Variants in PAPSS2 observed in about 807,000 individuals in gnomAD.
PAPSS2 encodes the protein 3'-phosphoadenosine 5'-phosphosulfate synthase 2, also known as bifunctional 3'-phosphoadenosine 5'-phosphosulfate synthase 2.
PAPSS2 carries 61 observed loss-of-function variants against 66.5 expected under a neutral mutation model. The ratio of observed to expected loss-of-function variants is 0.92; its 90% CI spans 0.75 to 1.14. The LOEUF (loss-of-function observed/expected upper bound fraction) is 1.14, where lower values mean the gene tolerates loss of function less well. Ranked by LOEUF, PAPSS2 falls within the 50% of genes most tolerant of loss-of-function variation. PAPSS2 has a pLI of 0.00. For missense variants in PAPSS2, 708 were observed against 789.6 expected (o/e 0.90, Z 1.24); for synonymous variants, 289 against 287.5 (o/e 1.01, Z -0.05).
Position 87,741,240 on chromosome 10 carries a change from G to A in PAPSS2, c.1092G>A (p.Val364=), listed in dbSNP as rs1853864689. ...TCTKHPHIKM[V]MESGDWLVGG... ...CATAACAATGTTCTTTCTAGATGGT[G>A]ATGGAAAGTGGGGACTGGCTGGTTG... Residue 364 remains valine (V), a synonymous_variant, in exon 10 of 13, where the codon GTG becomes GTA. Coordinates refer to ENST00000456849, the MANE Select transcript of PAPSS2 (RefSeq NM_001015880.2). The A allele has an allele frequency of 2.5e-6, 4 of 1,613,694 alleles. No individual in the cohort carries two copies. In the Admixed American group the frequency reaches 6.7e-5, roughly 27 times the overall value.
chr10:87,739,009 T>A lies in PAPSS2; in HGVS notation c.1087-2226T>A, dbSNP rs117993792. On this transcript the variant is annotated intron_variant, in intron 9 of 12. Transcript: ENST00000456849. ...ACTGTTGTGTTCTTTGATGCACATA[T>A]GTTTGAAGTAGTTGCAATTTTTTTT... 6.2e-3 allele frequency among the ~76,000 whole-genome samples: 939 copies of A among 152,338 alleles called. 11 individuals are homozygous for A. Among genetic ancestry groups the A allele is most frequent in the South Asian group, 0.017 (81 of 4,822 alleles).
chr10:87,735,415 C>T (rs1463767625), intron 9 of PAPSS2, among the ~76,000 whole-genome samples: 2 of 152,110 alleles, frequency 1.3e-5, no homozygotes, highest in African/African-American at 2.4e-5. Flanking sequence ...GAGCAATATA[C>T]GGTGGACCCC....
At chr10:87,699,062 G>A (rs1853269893) in intron 1 of PAPSS2, among the ~76,000 whole-genome samples, 1 of 152,148 alleles carries the variant, frequency 6.6e-6, no homozygotes, top group South Asian at 2.1e-4. Context: ...TATTGTTAGG[G>A]CAGCTTTCTC....
intron 9 of PAPSS2, among the ~76,000 whole-genome samples, chr10:87,735,801 G>T (rs1853791449): frequency 6.6e-6 from 1 of 152,190 alleles, no homozygotes; most frequent in African/African-American, 2.4e-5. Flanking sequence ...TTCAGATATT[G>T]TCAAATGTCA....
intron 11 of PAPSS2, 151 bp downstream of exon 11, chr10:87,743,792 GT>G (rs2131731483): frequency 2.0e-6 from 2 of 979,906 alleles, no homozygotes; most frequent in African/African-American, 3.2e-5. Flanking sequence ...GCTTAATTAT[GT>G]TTCCACTTAG....
chr10:87,711,031 T>C (rs1011444515), intron 2 of PAPSS2, among the ~76,000 whole-genome samples: 4 of 152,176 alleles, frequency 2.6e-5, no homozygotes, highest in Non-Finnish European at 4.4e-5. Context: ...TTAAATTAAA[T>C]TAAAAAGTCA....
intron 1 of PAPSS2, among the ~76,000 whole-genome samples, chr10:87,686,474 G>A (rs369488560): frequency 1.1e-4 from 17 of 151,870 alleles, no homozygotes; most frequent in Middle Eastern, 6.8e-3. Flanking sequence ...CAAGGTCTTC[G>A]TATAGCTCAC....
chr10:87,743,770 CTTCT>C (rs1421091561), intron 11 of PAPSS2, 129 bp downstream of exon 11: 5 of 1,080,140 alleles, frequency 4.6e-6, no homozygotes, highest in African/African-American at 1.6e-5. Flanking sequence ...TCTGGTGTCT[CTTCT>C]TTATCTAGCT....
At chr10:87,686,449 C>G (rs1327322137) in intron 1 of PAPSS2, among the ~76,000 whole-genome samples, 2 of 151,958 alleles carry the variant, frequency 1.3e-5, no homozygotes, top group Admixed American at 6.5e-5. Context: ...CTGGAATCCC[C>G]TTCTCTTCCC....
At chr10:87,739,993 A>G (rs1179950509) in intron 9 of PAPSS2, among the ~76,000 whole-genome samples, 1 of 152,250 alleles carries the variant, frequency 6.6e-6, no homozygotes, top group African/African-American at 2.4e-5. Context: ...GTACTTGCAC[A>G]GTGGTTTGTG....
chr10:87,711,522 C>A (rs1201363894), intron 2 of PAPSS2, among the ~76,000 whole-genome samples: 1 of 152,156 alleles, frequency 6.6e-6, no homozygotes, highest in Admixed American at 6.5e-5. Flanking sequence ...TACCCCACAA[C>A]CTGACATAAA....
In PAPSS2 at chr10:87,714,823, G is replaced by A. The variant is rs1853511706; in HGVS notation, c.599G>A (p.Ser200Asn). The stretch of plus-strand genomic sequence containing the variant: ...CTTAAAACCAATTTGTCCACAGTGA[G>A]TGACTGTGTCCACCAGGTAGTGGAA... The part of the protein sequence containing the change: ...RVLKTNLSTV[S>N]DCVHQVVELL... Residue 200 changes from serine to asparagine, a missense_variant, in exon 5 of 13, where the codon AGT (serine) becomes AAT (asparagine). Ser to Asn is a conservative substitution (Grantham distance 46). Transcript: ENST00000456849. 1.9e-6 allele frequency: 3 copies of A among 1,611,796 alleles called. No individual in the cohort carries two copies. The highest frequency in any genetic ancestry group is 1.7e-5 in the Admixed American group (1 of 59,990).
intron 1 of PAPSS2, among the ~76,000 whole-genome samples, chr10:87,684,217 C>A (rs1234166407): frequency 2.0e-5 from 3 of 152,202 alleles, no homozygotes; most frequent in South Asian, 2.1e-4. Context: ...CCTAGTCTTT[C>A]CCCTCAGGAG....
rs530718232 is a variant in PAPSS2 at position 87,708,963 on chromosome 10, T to C, written c.28-233T>C. Among the ~76,000 whole-genome samples, 11 of 152,298 alleles carry C rather than the reference T, an allele frequency of 7.2e-5. 1 individual carries two copies. Among genetic ancestry groups the C allele is most frequent in the African/African-American group, 2.6e-4 (11 of 41,566 alleles). On this transcript the variant is annotated intron_variant, in intron 1 of 12. Transcript: ENST00000456849. Reference sequence around the variant, plus strand: ...GAATGAATAACTTAGGTATGTAGACTCACAGCTAAGAAAAATATATATACA... The same window carrying C: ...GAATGAATAACTTAGGTATGTAGACCCACAGCTAAGAAAAATATATATACA...
intron 7 of PAPSS2, among the ~76,000 whole-genome samples, chr10:87,721,482 T>C (rs1853598704): frequency 6.6e-6 from 1 of 152,170 alleles, no homozygotes; most frequent in African/African-American, 2.4e-5. Context: ...TCCCAGTGGA[T>C]GGAAAAATAA....
At chr10:87,709,754 T>C (rs1853442206) in intron 2 of PAPSS2, among the ~76,000 whole-genome samples, 1 of 152,252 alleles carries the variant, frequency 6.6e-6, no homozygotes, top group Non-Finnish European at 1.5e-5. Flanking sequence ...GCCTAATGTT[T>C]TGACATTCTA....
chr10:87,661,845 C>T (rs1852756607), intron 1 of PAPSS2, among the ~76,000 whole-genome samples: 1 of 152,096 alleles, frequency 6.6e-6, no homozygotes. Flanking sequence ...TGAAATAGAA[C>T]TTTTCTGAAT....
intron 1 of PAPSS2, among the ~76,000 whole-genome samples, chr10:87,673,578 A>ATG (rs35768490): frequency 0.028 from 4,196 of 148,146 alleles, 168 homozygotes; most frequent in African/African-American, 0.087. Context: ...GTATGTATTC[A>ATG]TGTGTGTGTG....
At chr10:87,692,223 A>T (rs1474288574) in intron 1 of PAPSS2, among the ~76,000 whole-genome samples, 1 of 152,226 alleles carries the variant, frequency 6.6e-6, no homozygotes, top group Admixed American at 6.5e-5. Context: ...GCAAAGGGTG[A>T]TGATAGGAAG....
Sources: gnomAD v4.1 joint callset for allele counts (sites outside exome capture counted in the v4.1 genomes callset) on GRCh38, gnomAD v4.1.1 for gene constraint, MANE v1.5 for transcripts, NCBI Gene and HGNC (gene_info 2026-07-23, HGNC 2026-07-21) for gene names.